Variants in AGAP1 observed in about 807,000 individuals in gnomAD.
AGAP1 encodes ArfGAP with GTPase domain, ankyrin repeat and PH domain 1.
A neutral mutation model predicts 105.3 loss-of-function variants in AGAP1; 29 were observed. The ratio of observed to expected loss-of-function variants is 0.28; its 90% CI spans 0.21 to 0.38. The LOEUF (loss-of-function observed/expected upper bound fraction) is 0.38, where lower values mean the gene tolerates loss of function less well. AGAP1 is among the 10% of genes least tolerant of loss of function. The pLI is 1.00. For synonymous variants in AGAP1, 509 were observed against 485.9 expected (o/e 1.05, Z -0.63); for missense variants, 998 against 1,165.1 (o/e 0.86, Z 2.09).
At chr2:235,679,310 C>T (rs1011512741) in intron 1 of AGAP1, among the ~76,000 whole-genome samples, 1 of 152,070 alleles carries the variant, frequency 6.6e-6, no homozygotes. Context: ...TGCAAAAGAC[C>T]TAAAAATAGA....
rs2057093467 is a variant in AGAP1, at chr2:236,027,528, G to A, written c.1646-9033G>A. On this transcript the variant is annotated intron_variant, in intron 13 of 17. Coordinates refer to ENST00000304032, the MANE Select transcript of AGAP1 (RefSeq NM_001037131.3). This position sits in a 1 kb window ranked among gnomAD's most constrained non-coding sequence, Gnocchi z 4.4. The stretch of plus-strand genomic sequence containing the variant: ...TCCCGCCTCTGCCCTGCCTCCCCCA[G>A]GGCAGACTGAGCCTCTCCCCTCCAG... Among the ~76,000 whole-genome samples, 1 of 152,126 alleles carries A rather than the reference G, an allele frequency of 6.6e-6. No individual in the cohort carries two copies. The highest frequency in any genetic ancestry group is 6.6e-5 in the Admixed American group (1 of 15,264).
intron 10 of AGAP1, among the ~76,000 whole-genome samples, chr2:235,899,665 AGTT>A (rs1008874072): frequency 6.6e-5 from 10 of 152,236 alleles, no homozygotes; most frequent in Admixed American, 2.0e-4. Context: ...CTATTGATCC[AGTT>A]GTTTCAAGCC....
At position 236,042,706 on chromosome 2, in the gene AGAP1, C is replaced by A. The variant is rs575303241; in HGVS notation, c.1891+1865C>A. ...TGAGATGAGCTTGTGCATGTGAGTG[C>A]GGATGGGGGGTGGGAAAGGGAGGCC... On this transcript the variant is annotated intron_variant, in intron 15 of 17. Coordinates refer to ENST00000304032, the MANE Select transcript of AGAP1 (RefSeq NM_001037131.3). The surrounding 1 kb of genome is among the most constrained non-coding windows in gnomAD (Gnocchi z 5.6). Among the ~76,000 whole-genome samples the A allele has an allele frequency of 2.0e-5, 3 of 151,760 alleles. No individual in the cohort carries two copies. Among genetic ancestry groups the A allele is most frequent in the African/African-American group, 7.3e-5 (3 of 41,286 alleles).
chr2:235,755,034 G>A (rs780275895), intron 6 of AGAP1, among the ~76,000 whole-genome samples: 25 of 152,128 alleles, frequency 1.6e-4, no homozygotes, highest in Non-Finnish European at 3.1e-4. Context: ...CAGCTGAGCC[G>A]GACGTGGGCT....
At chr2:236,118,773 C>A (rs963154237) in intron 16 of AGAP1, among the ~76,000 whole-genome samples, 17 of 152,118 alleles carry the variant, frequency 1.1e-4, no homozygotes, top group Admixed American at 3.3e-4. Context: ...TGTAAAATTT[C>A]AAGAGCTACT....
chr2:236,092,710 C>T lies in AGAP1; in HGVS notation c.2115-27482C>T, dbSNP rs1185494145. On this transcript the variant is annotated intron_variant, in intron 16 of 17. Transcript: ENST00000304032. This position sits in a 1 kb window ranked among gnomAD's most constrained non-coding sequence, Gnocchi z 4.7. ...CCCGGCCGTATTATTTCTTTAAACT[C>T]CATGTGAATACACAATTATTTCAAA... is the stretch of plus-strand genomic sequence containing the variant. 6.6e-6 allele frequency among the ~76,000 whole-genome samples: 1 copy of T among 152,206 alleles called. No homozygotes were observed. The highest frequency in any genetic ancestry group is 1.5e-5 in the Non-Finnish European group (1 of 68,048).
intron 12 of AGAP1, among the ~76,000 whole-genome samples, chr2:235,955,160 G>A (rs2053893878): frequency 6.6e-6 from 1 of 152,200 alleles, no homozygotes; most frequent in African/African-American, 2.4e-5. Context: ...ACGTGGCCAG[G>A]TGGCTAGGCT....
In AGAP1 at chr2:235,896,266, G is replaced by A. The variant is rs572575543; in HGVS notation, c.1156-12472G>A. Among the ~76,000 whole-genome samples, 12 of 152,322 alleles carry A rather than the reference G, an allele frequency of 7.9e-5. No individual in the cohort carries two copies. The South Asian group carries it at 2.1e-3, about 26-fold the overall frequency. On this transcript the variant is annotated intron_variant, in intron 10 of 17. Coordinates refer to ENST00000304032, the MANE Select transcript of AGAP1 (RefSeq NM_001037131.3). ...TGTCCTCAAGATTCTTCCAGTTGTA[G>A]TGTGTGTCAGAATTTCCTTCCTGTT...
chr2:235,772,971 CTG>C (rs72371484), intron 6 of AGAP1, among the ~76,000 whole-genome samples: 38,453 of 152,008 alleles, frequency 0.25, 5,234 homozygotes, highest in Admixed American at 0.4. Context: ...TTTCTCCCCT[CTG>C]TGTTTTGGAA....
At chr2:235,495,261 T>C (rs1417085599) in intron 1 of AGAP1, among the ~76,000 whole-genome samples, 2 of 151,574 alleles carry the variant, frequency 1.3e-5, no homozygotes, top group African/African-American at 2.4e-5. Flanking sequence ...TTCTGAGAAG[T>C]GCTGCCGCTG....
chr2:236,093,537 T>C (rs2059117302), intron 16 of AGAP1, among the ~76,000 whole-genome samples: 1 of 152,012 alleles, frequency 6.6e-6, no homozygotes, highest in East Asian at 1.9e-4. Context: ...ATCCTCAAAA[T>C]ACCAATGTAA....
At chr2:235,702,934 G>GTGTTT (rs1553609552) in intron 1 of AGAP1, among the ~76,000 whole-genome samples, 3 of 88,946 alleles carry the variant, frequency 3.4e-5, no homozygotes, top group Non-Finnish European at 6.6e-5. Context: ...AGTTTTCTTG[G>GTGTTT]TTTTTTTTTT....
In AGAP1 at chr2:235,824,815, T is replaced by G. The variant is rs142785244; in HGVS notation, c.1050+17484T>G. Among the ~76,000 whole-genome samples, 3 of 152,332 alleles carry G rather than the reference T, an allele frequency of 2.0e-5. No individual in the cohort carries two copies. In the East Asian group the frequency reaches 5.8e-4, roughly 29 times the overall value. On this transcript the variant is annotated intron_variant, in intron 9 of 17. Coordinates refer to ENST00000304032, the MANE Select transcript of AGAP1 (RefSeq NM_001037131.3). The surrounding 1 kb of genome is among the most constrained non-coding windows in gnomAD (Gnocchi z 5.2). ...ACTGTGTTTTTCTCAGGCATATTGT[T>G]GTTTTATGTATACCCATCAAGGTAA...
chr2:235,497,845 C>T (rs1473302509), intron 1 of AGAP1, among the ~76,000 whole-genome samples: 1 of 152,152 alleles, frequency 6.6e-6, no homozygotes, highest in East Asian at 1.9e-4. Context: ...ATCCACCCAC[C>T]TTGGCCTCCC....
rs922820360 is a variant in AGAP1, at chr2:235,918,433, G to A, written c.1324+9527G>A. On this transcript the variant is annotated intron_variant, in intron 11 of 17. Transcript: ENST00000304032. Reference sequence around the variant, plus strand: ...AGGCTTCTCAGACATCAGAAAGTTAGCTAAATCTGACATTAGAGGACACTA... The same window carrying A: ...AGGCTTCTCAGACATCAGAAAGTTAACTAAATCTGACATTAGAGGACACTA... Among the ~76,000 whole-genome samples the A allele has an allele frequency of 2.0e-5, 3 of 152,188 alleles. No individual in the cohort carries two copies. In the South Asian group the frequency reaches 6.2e-4, roughly 32 times the overall value.
intron 6 of AGAP1, among the ~76,000 whole-genome samples, chr2:235,767,395 G>C (rs1036448584): frequency 3.3e-5 from 5 of 152,174 alleles, no homozygotes; most frequent in Non-Finnish European, 7.3e-5. Context: ...CGAGCACCCG[G>C]GCCAAGCGTG....
In AGAP1 at chr2:235,801,731, G is replaced by A. The variant is rs966189497; in HGVS notation, c.957+2209G>A. 6.6e-5 allele frequency among the ~76,000 whole-genome samples: 10 copies of A among 152,188 alleles called. No homozygotes were observed. Among genetic ancestry groups the A allele is most frequent in the Non-Finnish European group, 1.0e-4 (7 of 68,040 alleles). ...GGGCAGGCGGCCTGTGCCCCGGGAG[G>A]AGGGGCGGGCTTGTCATCGTGGTGG... On this transcript the variant is annotated intron_variant, in intron 8 of 17. Transcript: ENST00000304032. The surrounding 1 kb of genome is among the most constrained non-coding windows in gnomAD (Gnocchi z 6.0).
At chr2:235,833,957 TA>T (rs60112448) in intron 9 of AGAP1, among the ~76,000 whole-genome samples, 311 of 137,428 alleles carry the variant, frequency 2.3e-3, no homozygotes, top group Non-Finnish European at 2.5e-3. Flanking sequence ...ATTTTTTTTG[TA>T]AAAAAAAAAA....
At position 235,967,512 on chromosome 2, in the gene AGAP1, A is replaced by G. The variant is rs1345195617; in HGVS notation, c.1484-950A>G. ...TTTATCTGTTTCTCCTCGATCAATGATGGCTGCCAAGCATCTTGAAAAGCC... is the reference window on the plus strand; with the variant it reads ...TTTATCTGTTTCTCCTCGATCAATGGTGGCTGCCAAGCATCTTGAAAAGCC... On this transcript the variant is annotated intron_variant, in intron 12 of 17. Transcript: ENST00000304032. This position sits in a 1 kb window ranked among gnomAD's most constrained non-coding sequence, Gnocchi z 4.7. 6.6e-6 allele frequency among the ~76,000 whole-genome samples: 1 copy of G among 152,176 alleles called. No homozygotes were observed. Among genetic ancestry groups the G allele is most frequent in the Admixed American group, 6.5e-5 (1 of 15,280 alleles).
Sources: gnomAD v4.1 joint callset for allele counts (sites outside exome capture counted in the v4.1 genomes callset) on GRCh38, gnomAD v4.1.1 for gene constraint, Gnocchi (gnomAD v3.1) non-coding constraint, MANE v1.5 for transcripts, NCBI Gene and HGNC (gene_info 2026-07-23, HGNC 2026-07-21) for gene names.